The following WFS1 variants were observed in gnomAD, a reference collection of about 807,000 sequenced individuals.
WFS1 encodes wolframin ER transmembrane glycoprotein.
Under a neutral mutation model 68.5 loss-of-function variants are expected in WFS1, and 90 were observed. The observed-to-expected ratio is 1.31, with a 90% confidence interval of 1.11 to 1.56. The LOEUF is 1.56. WFS1 is among the 40% of genes most tolerant of loss of function. WFS1 has a pLI of 0.00. For synonymous variants in WFS1, 860 were observed against 540.7 expected (o/e 1.59, Z -8.19); for missense variants, 1,767 against 1,232.6 (o/e 1.43, Z -6.49).
At chr4:6,273,898 CA>C (rs2109105507) in intron 1 of WFS1, among the ~76,000 whole-genome samples, 1 of 152,244 alleles carries the variant, frequency 6.6e-6, no homozygotes, top group South Asian at 2.1e-4. Flanking sequence ...TTACTTTAAA[CA>C]GTTTTTTTTT....
intron 4 of WFS1, among the ~76,000 whole-genome samples, chr4:6,290,073 A>C (rs1442417483): frequency 4.6e-5 from 7 of 152,122 alleles, no homozygotes; most frequent in African/African-American, 1.7e-4. Context: ...TGAGTAGCTG[A>C]GATTACAGGC....
chr4:6,294,596 G>A (rs980317759), intron 6 of WFS1, among the ~76,000 whole-genome samples: 3 of 152,132 alleles, frequency 2.0e-5, no homozygotes, highest in Non-Finnish European at 4.4e-5. Context: ...GATCATGTTC[G>A]ATGGAGCGGT....
Position 6,291,217 on chromosome 4 carries a change from C to G in WFS1, c.481C>G (p.Arg161Gly). 1 of 1,612,710 alleles carries G rather than the reference C, an allele frequency of 6.2e-7. No homozygotes were observed. The highest frequency in any genetic ancestry group is 8.5e-7 in the Non-Finnish European group (1 of 1,180,000). ...DRRGITSENE[R>G]EVRQLSSETD... Reference sequence around the variant, plus strand: ...CTCAGGCATCACGTCCGAGAACGAACGGGAGGTGAGGCAGCTCTCCTCCGA... The same window carrying G: ...CTCAGGCATCACGTCCGAGAACGAAGGGGAGGTGAGGCAGCTCTCCTCCGA... The change falls in exon 5 of 8, where the codon CGG becomes GGG. Residue 161 changes from arginine (R) to glycine (G), a missense_variant. By Grantham distance (125) the Arg-to-Gly change is moderately radical. Transcript: ENST00000226760.
Position 6,292,757 on chromosome 4 carries a change from C to T in WFS1, c.712+760C>T, listed in dbSNP as rs575005220. ...CCACAGACTCTTCTTGTGACATGGG[C>T]AGGTCTCATTTTTCTTTCTGGGTGT... On this transcript the variant is annotated intron_variant, in intron 6 of 7. Transcript: ENST00000226760. Among the ~76,000 whole-genome samples the T allele has an allele frequency of 9.9e-4, 150 of 152,266 alleles. 2 individuals are homozygous for T. The highest frequency in any genetic ancestry group is 1.0e-3 in the Non-Finnish European group (68 of 68,018).
chr4:6,277,883 G>T (rs1038865920), intron 2 of WFS1, among the ~76,000 whole-genome samples, 196 bp downstream of exon 2: 2 of 152,256 alleles, frequency 1.3e-5, no homozygotes, highest in African/African-American at 2.4e-5. Context: ...CACCTTTGTG[G>T]CACCCACTCG....
At chr4:6,277,745 A>G in intron 2 of WFS1, 58 bp downstream of exon 2, 2 of 1,539,648 alleles carry the variant, frequency 1.3e-6, no homozygotes, top group Admixed American at 2.0e-5. Context: ...CTGGGTGGGA[A>G]CGGGGTTCAG....
At chr4:6,295,245 C>T in intron 7 of WFS1, 56 bp downstream of exon 7, 5 of 1,604,962 alleles carry the variant, frequency 3.1e-6, no homozygotes, top group Non-Finnish European at 8.5e-7. Flanking sequence ...ACTCGCGCAC[C>T]TCAGGCAGGG....
rs1330522979 is a variant in WFS1 at position 6,277,615 on chromosome 4, G to A, written c.160G>A (p.Val54Ile). The A allele has an allele frequency of 6.3e-7, 1 of 1,575,232 alleles. No homozygotes were observed. Among genetic ancestry groups the A allele is most frequent in the South Asian group, 1.2e-5 (1 of 85,762 alleles). Residue 54 changes from valine (V) to isoleucine (I), a missense_variant, in exon 2 of 8, where the codon GTT (valine) becomes ATT (isoleucine). Physicochemically the swap from Val to Ile is conservative, Grantham distance 29. Transcript: ENST00000226760. ...PGPQAGPGPG[V>I]RDAAAPAEPQ... The stretch of plus-strand genomic sequence containing the variant: ...ACCCCAGGCTGGCCCTGGCCCTGGT[G>A]TTAGAGACGCAGCGGCCCCCGCTGA...
rs140585201 is a variant in WFS1, at chr4:6,293,881, G to A, written c.713-1160G>A. The stretch of plus-strand genomic sequence containing the variant: ...CCCCAGCCCGCCCAGGCTGCATCCA[G>A]CCCGTGCTCCTTCCACATCTCCTGT... On this transcript the variant is annotated intron_variant, in intron 6 of 7. Transcript: ENST00000226760. 2.6e-4 allele frequency among the ~76,000 whole-genome samples: 39 copies of A among 152,280 alleles called. No individual in the cohort carries two copies. The East Asian group carries it at 7.1e-3, about 28-fold the overall frequency.
Position 6,294,789 on chromosome 4 carries a change from G to C in WFS1, c.713-252G>C, listed in dbSNP as rs536592360. 7.6e-6 allele frequency: 4 copies of C among 526,886 alleles called. No individual in the cohort carries two copies. In the African/African-American group the frequency reaches 7.6e-5, roughly 10 times the overall value. 32.6% of individuals were successfully genotyped at this position (526,886 alleles called of 1,614,324 possible). ...GAGCTAGGCAGAGAGGGACACTTGG[G>C]GTGGGGGACAGCACACCCAGGGGCC... is the stretch of plus-strand genomic sequence containing the variant. On this transcript the variant is annotated intron_variant, in intron 6 of 7. Transcript: ENST00000226760.
intron 2 of WFS1, among the ~76,000 whole-genome samples, chr4:6,278,719 G>T (rs974820837): frequency 1.3e-5 from 2 of 152,186 alleles, no homozygotes; most frequent in Admixed American, 6.5e-5. Flanking sequence ...ACTTATGCTG[G>T]GCGTGCCCTT....
intron 2 of WFS1, among the ~76,000 whole-genome samples, chr4:6,285,365 C>T (rs1730285343): frequency 6.7e-6 from 1 of 148,704 alleles, no homozygotes; most frequent in Admixed American, 6.7e-5. Context: ...GGGAAAGCAG[C>T]ATCAAGGGAG....
intron 6 of WFS1, chr4:6,294,776 G>A (rs1272641409): frequency 2.0e-6 from 1 of 500,658 alleles, no homozygotes; most frequent in Non-Finnish European, 3.7e-6. Context: ...GCTAGGCAGA[G>A]AGGGACACTT....
At position 6,301,205 on chromosome 4, in the gene WFS1, G is replaced by C. The variant is rs764829317; in HGVS notation, c.1410G>C (p.Leu470=). 42 of 1,612,140 alleles carry C rather than the reference G, an allele frequency of 2.6e-5. No individual in the cohort carries two copies. The highest frequency in any genetic ancestry group is 3.6e-5 in the Non-Finnish European group (42 of 1,179,958). The change falls in exon 8 of 8, where the codon CTG becomes CTC. Residue 470 remains leucine, a synonymous_variant. Coordinates refer to ENST00000226760, the MANE Select transcript of WFS1 (RefSeq NM_006005.3). ...AGGTCACCGCCGGCCTGCTATCGCT[G>C]CTGCCCTCCATGCCCTTGAATTGGC... ...ATEVTAGLLS[L]LPSMPLNWPY... is the part of the protein sequence containing the mutation.
At chr4:6,278,821 G>A (rs895169793) in intron 2 of WFS1, among the ~76,000 whole-genome samples, 2 of 152,246 alleles carry the variant, frequency 1.3e-5, no homozygotes, top group East Asian at 1.9e-4. Flanking sequence ...GCCTCTGGGC[G>A]GATGAGGGCC....
At chr4:6,294,906 G>A in intron 6 of WFS1, 135 bp from the exon 7 acceptor site, 3 of 1,482,576 alleles carry the variant, frequency 2.0e-6, no homozygotes, top group Admixed American at 1.7e-5. Flanking sequence ...CCAGGGAAGG[G>A]TTTCCTCCAC....
Position 6,302,599 on chromosome 4 carries a change from C to A in WFS1, c.*131C>A. 1.5e-6 allele frequency: 2 copies of A among 1,361,932 alleles called. No individual in the cohort carries two copies. The highest frequency in any genetic ancestry group is 2.0e-6 in the Non-Finnish European group (2 of 998,558). 84.4% of individuals were successfully genotyped at this position (1,361,932 alleles called of 1,614,324 possible). A position where few individuals can be genotyped will look rare whatever the true frequency, so the allele number is the denominator to read the frequency against. ...GCAGACTGTGGCTGCAGAGACCTTG[C>A]GACCATGTGTAGATTGCGTGGACCC... On this transcript the variant is annotated 3_prime_UTR_variant, in exon 8 of 8. Transcript: ENST00000226760.
Position 6,277,698 on chromosome 4 carries a change from A to G in WFS1, c.232+11A>G. On this transcript the variant is annotated intron_variant, in intron 2 of 7. Transcript: ENST00000226760. ...GAGCAGACGGCACCGGTAAGGGAGC[A>G]GGCTGGGAAGCCCAGGCTGGGGATG... 1 of 1,552,858 alleles carries G rather than the reference A, an allele frequency of 6.4e-7. No homozygotes were observed. The highest frequency in any genetic ancestry group is 1.2e-5 in the South Asian group (1 of 84,244).
At chr4:6,272,296 A>G (rs56737083) in intron 1 of WFS1, among the ~76,000 whole-genome samples, 7,421 of 152,330 alleles carry the variant, frequency 0.049, 227 homozygotes, top group East Asian at 0.12. Context: ...CATCCAGGCC[A>G]GGCCTGGAGC....
Sources: gnomAD v4.1 joint callset for allele counts (sites outside exome capture counted in the v4.1 genomes callset) on GRCh38, gnomAD v4.1.1 for gene constraint, MANE v1.5 for transcripts, NCBI Gene and HGNC (gene_info 2026-07-23, HGNC 2026-07-21) for gene names.